RALY: variants seen among roughly 807,000 people sequenced by gnomAD.
RALY encodes the protein RNA-binding protein Raly.
Under a neutral mutation model 30.7 loss-of-function variants are expected in RALY, and 15 were observed. The observed-to-expected ratio is 0.49, with a 90% CI of 0.33 to 0.75. RALY has a LOEUF of 0.75. Among genes scored for constraint, RALY ranks in the 30% least tolerant of loss-of-function variants. RALY has a pLI of 0.02. For synonymous variants in RALY, 177 were observed against 170.8 expected, an observed-to-expected ratio of 1.04 and a Z score of -0.28; for missense variants, 339 against 414.3, an observed-to-expected ratio of 0.82 and a Z score of 1.58.
intron 8 of RALY, among the ~76,000 whole-genome samples, chr20:34,078,118 G>A (rs2033946345): frequency 6.6e-6 from 1 of 152,242 alleles, no homozygotes; most frequent in South Asian, 2.1e-4. Context: ...TTTGAGCGTA[G>A]CCTGATCCTT....
At chr20:34,048,802 G>A (rs971180724) in intron 2 of RALY, among the ~76,000 whole-genome samples, 2 of 142,626 alleles carry the variant, frequency 1.4e-5, no homozygotes, top group African/African-American at 5.1e-5. Context: ...CTTGCAGTGA[G>A]CCGAGATCGC....
At position 34,077,206 on chromosome 20, in the gene RALY, C is replaced by G; in HGVS notation, c.837C>G (p.Gly279=). The change falls in exon 8 of 10, where the codon GGC becomes GGG. Residue 279 remains glycine, a synonymous_variant. Transcript: ENST00000246194. ...GGGAAGCACGGACCCGAGACGACGG[C>G]GATGAGGAAGGGCTCCTGACACACA... ...PQGEARTRDD[G]DEEGLLTHSE... is the part of the protein sequence containing the mutation. The G allele has an allele frequency of 1.2e-6, 2 of 1,613,750 alleles. No individual in the cohort carries two copies. The highest frequency in any genetic ancestry group is 1.7e-6 in the Non-Finnish European group (2 of 1,179,918).
In RALY at chr20:34,006,530, T is replaced by C. The variant is rs2031165211; in HGVS notation, c.-93+12399T>C. ...ATGGTTCTTAAGTCTTCAAGTCTCG[T>C]TTAATTTGTATGGTCCCTCCTACAG... On this transcript the variant is annotated intron_variant, in intron 1 of 9. Transcript: ENST00000246194. Among the ~76,000 whole-genome samples, 7 of 152,328 alleles carry C rather than the reference T, an allele frequency of 4.6e-5. No homozygotes were observed. In the South Asian group the frequency reaches 1.2e-3, roughly 27 times the overall value.
intron 2 of RALY, among the ~76,000 whole-genome samples, chr20:34,064,148 G>A (rs1036446077): frequency 2.0e-5 from 3 of 152,106 alleles, no homozygotes; most frequent in African/African-American, 7.2e-5. Context: ...ACAATCATTT[G>A]TAGGTCTTCA....
chr20:34,025,899 G>GTTTTTTTTT (rs35827160), intron 1 of RALY, among the ~76,000 whole-genome samples: 10 of 75,916 alleles, frequency 1.3e-4, no homozygotes, highest in Non-Finnish European at 1.9e-4. Context: ...ATTCCTGGTT[G>GTTTTTTTTT]TTTTTTTTTT....
intron 2 of RALY, among the ~76,000 whole-genome samples, chr20:34,047,959 C>G (rs2032941907): frequency 6.6e-6 from 1 of 152,140 alleles, no homozygotes; most frequent in Non-Finnish European, 1.5e-5. Flanking sequence ...AGTTCAGACC[C>G]CAGAAATGTT....
chr20:34,083,408 A>G lies in RALY; in HGVS notation c.*3503A>G, dbSNP rs1170079308. On this transcript the variant is annotated 3_prime_UTR_variant, in exon 10 of 10. Coordinates refer to ENST00000246194, the MANE Select transcript of RALY (RefSeq NM_016732.3). ...TCATGGCTGAGTTCCAAAAACCGCA[A>G]GAGAAGACAAGCCCAGTATGCGAGT... The G allele has an allele frequency of 3.3e-5, 5 of 152,230 alleles. No individual in the cohort carries two copies. The highest frequency in any genetic ancestry group is 1.5e-5 in the Non-Finnish European group (1 of 68,040). 9.4% of individuals were successfully genotyped at this position (152,230 alleles called of 1,614,324 possible).
intron 1 of RALY, among the ~76,000 whole-genome samples, chr20:34,003,147 G>A (rs2030994785): frequency 6.6e-6 from 1 of 152,124 alleles, no homozygotes; most frequent in African/African-American, 2.4e-5. Context: ...GGGATGCTGT[G>A]TTGTGCTCCC....
intron 1 of RALY, among the ~76,000 whole-genome samples, chr20:34,027,417 A>AGTAACACCCAGCCGTGTGCCTGAGGCG (rs2032085453): frequency 6.6e-6 from 1 of 152,064 alleles, no homozygotes; most frequent in East Asian, 1.9e-4. Context: ...TGCCTGAGGC[A>AGTAACACCCAGCCGTGTGCCTGAGGCG]TAGTAGCAGC....
intron 1 of RALY, among the ~76,000 whole-genome samples, chr20:34,030,357 C>A (rs759037063): frequency 7.9e-5 from 12 of 152,288 alleles, no homozygotes; most frequent in Admixed American, 2.0e-4. Context: ...TGAGTTAATA[C>A]AAATAAAAGG....
At chr20:34,066,461 A>G (rs1416271629) in intron 2 of RALY, among the ~76,000 whole-genome samples, 1 of 152,154 alleles carries the variant, frequency 6.6e-6, no homozygotes, top group Non-Finnish European at 1.5e-5. Flanking sequence ...CCTGGGCAAC[A>G]GATGTCTGGT....
At chr20:34,035,969 G>T (rs376941641) in intron 2 of RALY, among the ~76,000 whole-genome samples, 1 of 152,116 alleles carries the variant, frequency 6.6e-6, no homozygotes, top group African/African-American at 2.4e-5. Flanking sequence ...TGATTCTAAG[G>T]AACGAAAGGA....
intron 1 of RALY, among the ~76,000 whole-genome samples, chr20:34,003,670 C>G (rs1053341916): frequency 7.7e-6 from 1 of 130,616 alleles, no homozygotes; most frequent in Non-Finnish European, 1.5e-5. Flanking sequence ...GACGGAGTCT[C>G]GCTCTGTCGC....
intron 1 of RALY, among the ~76,000 whole-genome samples, chr20:34,030,817 A>C (rs1157963945): frequency 6.6e-6 from 1 of 152,148 alleles, no homozygotes; most frequent in African/African-American, 2.4e-5. Context: ...CCAAGGCCTC[A>C]GGGCCTTTGT....
chr20:34,032,639 A>T (rs2032329602), intron 2 of RALY, among the ~76,000 whole-genome samples: 1 of 152,014 alleles, frequency 6.6e-6, no homozygotes, highest in African/African-American at 2.4e-5. Flanking sequence ...GGAATTACAG[A>T]TGTGTACCAC....
At chr20:34,072,355 C>T in intron 3 of RALY, 25 bp downstream of exon 3, 2 of 1,598,600 alleles carry the variant, frequency 1.3e-6, no homozygotes, top group Non-Finnish European at 1.7e-6. Context: ...ACTATATTCT[C>T]CTAGTATTCT....
intron 2 of RALY, among the ~76,000 whole-genome samples, chr20:34,061,991 G>A (rs1334941646): frequency 6.6e-6 from 1 of 152,164 alleles, no homozygotes; most frequent in African/African-American, 2.4e-5. Flanking sequence ...CTTTCTCTGA[G>A]ACTTAATTTT....
intron 2 of RALY, among the ~76,000 whole-genome samples, chr20:34,066,696 C>CT (rs11167226): frequency 0.74 from 108,017 of 146,730 alleles, 39,991 homozygotes; most frequent in South Asian, 0.85. Context: ...GCCTGGGGCT[C>CT]TTTTTTTTTT....
chr20:34,040,627 C>G (rs1601456466), intron 2 of RALY, among the ~76,000 whole-genome samples: 1 of 152,176 alleles, frequency 6.6e-6, no homozygotes, highest in African/African-American at 2.4e-5. Context: ...TTGTCCTTTC[C>G]CTCTTGAGTA....
Sources: gnomAD v4.1 joint callset for allele counts (sites outside exome capture counted in the v4.1 genomes callset) on GRCh38, gnomAD v4.1.1 for gene constraint, MANE v1.5 for transcripts, NCBI Gene and HGNC (gene_info 2026-07-23, HGNC 2026-07-21) for gene names.